Variants in WBP4 observed in about 807,000 individuals in gnomAD.
WBP4 encodes WW domain binding protein 4, also known as WW domain-binding protein 4.
WBP4 carries 37 observed loss-of-function variants against 55.4 expected under a neutral mutation model. The ratio of observed to expected loss-of-function variants is 0.67; its 90% CI spans 0.51 to 0.88. The LOEUF (loss-of-function observed/expected upper bound fraction) is 0.88, where lower values mean the gene tolerates loss of function less well. WBP4 is among the 40% of genes least tolerant of loss of function. The pLI, the probability that WBP4 is intolerant of heterozygous loss-of-function variation, is 0.00. For synonymous variants in WBP4, 142 were observed against 140.2 expected (o/e 1.01, Z -0.09); for missense variants, 398 against 420.8 (o/e 0.95, Z 0.47).
At position 41,062,647 on chromosome 13, in the gene WBP4, G is replaced by A. The variant is rs749866691; in HGVS notation, c.6G>A (p.Ala2=). 6.2e-7 allele frequency: 1 copy of A among 1,613,070 alleles called. No individual in the cohort carries two copies. The highest frequency in any genetic ancestry group is 1.1e-5 in the South Asian group (1 of 90,942). The change falls in exon 2 of 10, where the codon GCG becomes GCA. Residue 2 remains alanine (A), a synonymous_variant. Transcript: ENST00000379487. ...CCTTGTTGTCTCTCTTTTTCAGGGC[G>A]GACTACTGGAAGTCACAGCCAAAGA... M[A]DYWKSQPKKF... is the part of the protein sequence containing the mutation.
chr13:41,069,615 T>C (rs563442911), intron 5 of WBP4, among the ~76,000 whole-genome samples: 3 of 150,510 alleles, frequency 2.0e-5, no homozygotes, highest in South Asian at 4.2e-4. Context: ...TGAGCCGAGA[T>C]TGGGCCACTG....
At chr13:41,079,608 C>A (rs1878674214) in intron 8 of WBP4, among the ~76,000 whole-genome samples, 1 of 150,624 alleles carries the variant, frequency 6.6e-6, no homozygotes, top group Non-Finnish European at 1.5e-5. Flanking sequence ...AAGGGAAACA[C>A]TTATACACTT....
chr13:41,061,871 C>T (rs890968633), intron 1 of WBP4, among the ~76,000 whole-genome samples, 196 bp downstream of exon 1: 4 of 152,070 alleles, frequency 2.6e-5, no homozygotes, highest in Non-Finnish European at 4.4e-5. Context: ...CGCTGAACGC[C>T]CTGGGGTATG....
intron 4 of WBP4, 34 bp downstream of exon 4, chr13:41,065,321 T>C (rs1353605517): frequency 5.9e-6 from 9 of 1,536,536 alleles, no homozygotes; most frequent in Non-Finnish European, 6.9e-6. Flanking sequence ...GCAGCCAGCA[T>C]GTTTTAAAAG....
chr13:41,068,554 T>C lies in WBP4; in HGVS notation c.263-7T>C. ...ATAGCTGCTTTACCCTTCTCTCATC[T>C]CTTTAGAAATTTTGGAGCCAAGCAT... On this transcript the variant is annotated splice_region_variant and splice_polypyrimidine_tract_variant and intron_variant, in intron 4 of 9. Coordinates refer to ENST00000379487, the MANE Select transcript of WBP4 (RefSeq NM_007187.5). The C allele has an allele frequency of 4.4e-6, 7 of 1,585,854 alleles. No individual in the cohort carries two copies. Among genetic ancestry groups the C allele is most frequent in the Non-Finnish European group, 6.0e-6 (7 of 1,169,752 alleles).
At chr13:41,063,454 G>T (rs1031862345) in intron 2 of WBP4, among the ~76,000 whole-genome samples, 1 of 149,888 alleles carries the variant, frequency 6.7e-6, no homozygotes, top group African/African-American at 2.4e-5. Flanking sequence ...CCTGTTACCT[G>T]CAAGGTGTTT....
At chr13:41,075,422 C>T (rs1273897852) in intron 7 of WBP4, among the ~76,000 whole-genome samples, 2 of 152,068 alleles carry the variant, frequency 1.3e-5, no homozygotes, top group South Asian at 2.1e-4. Flanking sequence ...TGCTCTGTCC[C>T]CCAGACTGGA....
At chr13:41,077,061 AAACCTTC>A (rs1878525700) in intron 8 of WBP4, among the ~76,000 whole-genome samples, 1 of 152,226 alleles carries the variant, frequency 6.6e-6, no homozygotes, top group African/African-American at 2.4e-5. Flanking sequence ...ATAGATGCAA[AAACCTTC>A]AACAAAATAC....
intron 5 of WBP4, among the ~76,000 whole-genome samples, chr13:41,069,074 A>C (rs910202063): frequency 6.6e-6 from 1 of 152,192 alleles, no homozygotes; most frequent in Non-Finnish European, 1.5e-5. Context: ...CACTTCACAA[A>C]TTGTAGGGGT....
chr13:41,066,487 T>G (rs887933664), intron 4 of WBP4, among the ~76,000 whole-genome samples: 1 of 152,224 alleles, frequency 6.6e-6, no homozygotes, highest in Non-Finnish European at 1.5e-5. Flanking sequence ...CTCAGTGATA[T>G]ATCAAATGTA....
At position 41,069,990 on chromosome 13, in the gene WBP4, G is replaced by A. The variant is rs117040949; in HGVS notation, c.439+1253G>A. On this transcript the variant is annotated intron_variant, in intron 5 of 9. Coordinates refer to ENST00000379487, the MANE Select transcript of WBP4 (RefSeq NM_007187.5). ...TAAATGTATTTGGGGTTTTTACTCC[G>A]TATACATTTTGGAATAAATTAATAC... Among the ~76,000 whole-genome samples, 1,327 of 151,276 alleles carry A rather than the reference G, an allele frequency of 8.8e-3. 42 individuals are homozygous for A. The highest frequency in any genetic ancestry group is 0.072 in the East Asian group (372 of 5,166).
intron 4 of WBP4, among the ~76,000 whole-genome samples, 185 bp from the exon 5 acceptor site, chr13:41,068,376 T>C (rs913555915): frequency 2.6e-5 from 4 of 152,218 alleles, no homozygotes; most frequent in African/African-American, 9.6e-5. Context: ...AATTCTCCTT[T>C]TTCTTTTTAT....
chr13:41,079,779 A>G (rs1297037677), intron 8 of WBP4, among the ~76,000 whole-genome samples: 2 of 152,204 alleles, frequency 1.3e-5, no homozygotes, highest in African/African-American at 4.8e-5. Flanking sequence ...TTGTAGCAGC[A>G]TTGTTCACAA....
In WBP4 at chr13:41,064,217, C is replaced by T. The variant is rs116889100; in HGVS notation, c.76-799C>T. ...ATTTAACAGTATGTAACTGGAGCTCCCTTTGTATCCATACATAAAGAGCTT... is the reference window on the plus strand; with the variant it reads ...ATTTAACAGTATGTAACTGGAGCTCTCTTTGTATCCATACATAAAGAGCTT... On this transcript the variant is annotated intron_variant, in intron 2 of 9. Transcript: ENST00000379487. 2.7e-3 allele frequency among the ~76,000 whole-genome samples: 418 copies of T among 152,124 alleles called. 8 individuals carry two copies. The East Asian group carries it at 0.049, about 18-fold the overall frequency.
intron 1 of WBP4, 102 bp downstream of exon 1, chr13:41,061,777 G>C: frequency 6.4e-7 from 1 of 1,573,406 alleles, no homozygotes; most frequent in Non-Finnish European, 8.6e-7. Context: ...TCGGCCGGGG[G>C]CGTGACAGAC....
At chr13:41,079,694 C>A (rs1878677754) in intron 8 of WBP4, among the ~76,000 whole-genome samples, 1 of 152,058 alleles carries the variant, frequency 6.6e-6, no homozygotes, top group Admixed American at 6.6e-5. Flanking sequence ...TTATTCAATC[C>A]AGCAGTCCCA....
intron 8 of WBP4, 32 bp downstream of exon 8, chr13:41,076,269 A>ATTTTTTT (rs35695477): frequency 1.2e-5 from 8 of 678,800 alleles, no homozygotes; most frequent in South Asian, 6.5e-5. Flanking sequence ...TTCACATCAA[A>ATTTTTTT]TTTTTTTTTT....
At position 41,065,230 on chromosome 13, in the gene WBP4, G is replaced by A. The variant is rs1413849328; in HGVS notation, c.205G>A (p.Glu69Lys). 6.2e-7 allele frequency: 1 copy of A among 1,612,302 alleles called. No homozygotes were observed. The highest frequency in any genetic ancestry group is 1.3e-5 in the African/African-American group (1 of 74,554). The change falls in exon 4 of 10, where the codon GAG becomes AAG. Residue 69 changes from glutamate to lysine, a missense_variant. Coordinates refer to ENST00000379487, the MANE Select transcript of WBP4 (RefSeq NM_007187.5). ...GGCATCAAAGGAGTTTGCTGCAATG[G>A]AGGCAGCTGCCCTGAAAGCATACCA... is the stretch of plus-strand genomic sequence containing the variant. ...EKASKEFAAM[E>K]AAALKAYQED...
intron 8 of WBP4, among the ~76,000 whole-genome samples, chr13:41,077,509 C>T (rs1878554721): frequency 6.6e-6 from 1 of 151,942 alleles, no homozygotes; most frequent in Admixed American, 6.6e-5. Flanking sequence ...AAAGAAGAGC[C>T]ATGTATGAGA....
Sources: allele counts gnomAD v4.1 joint callset (sites outside exome capture counted in the v4.1 genomes callset), GRCh38; gene constraint gnomAD v4.1.1; transcripts MANE v1.5; gene names NCBI Gene and HGNC (gene_info 2026-07-23, HGNC 2026-07-21).